RSPH4A: variants seen among roughly 807,000 people sequenced by gnomAD.
RSPH4A encodes radial spoke head component 4A.
In RSPH4A, 47 loss-of-function variants were observed where a neutral mutation model predicts 71.0. That is an observed-to-expected ratio of 0.66 (90% CI 0.52 to 0.84). RSPH4A has a LOEUF of 0.84. Ranked by LOEUF, RSPH4A falls within the 40% of genes least tolerant of loss-of-function variation. RSPH4A has a pLI of 0.00. For synonymous variants in RSPH4A, 282 were observed against 302.3 expected (o/e 0.93, Z 0.70); for missense variants, 793 against 855.2 (o/e 0.93, Z 0.91).
In RSPH4A at chr6:116,628,216, T is replaced by C. The variant is rs746983034; in HGVS notation, c.1509T>C (p.Tyr503=). 1.9e-6 allele frequency: 3 copies of C among 1,613,854 alleles called. No homozygotes were observed. In the South Asian group the frequency reaches 3.3e-5, roughly 18 times the overall value. ...AGTHVSPLGF[Y]QFGEEEGEEE... ...CCCACGTCAGTCCTCTAGGATTTTA[T>C]CAGTTTGGTGAAGAGGAAGGAGAGG... The change falls in exon 3 of 6, where the codon TAT becomes TAC. Residue 503 remains tyrosine, a synonymous_variant. Transcript: ENST00000229554.
intron 5 of RSPH4A, among the ~76,000 whole-genome samples, chr6:116,630,847 A>G (rs784135): frequency 3.4e-5 from 3 of 87,602 alleles, no homozygotes; most frequent in East Asian, 3.5e-4. Context: ...TAATTTTTGT[A>G]TTTTTTTTTT....
In RSPH4A at chr6:116,616,757, C is replaced by A. The variant is rs372113802; in HGVS notation, c.134C>A (p.Ala45Glu). Residue 45 changes from alanine (A) to glutamate (E), a missense_variant, in exon 1 of 6, where the codon GCG becomes GAG. Ala to Glu is a moderately radical substitution (Grantham distance 107). Coordinates refer to ENST00000229554, the MANE Select transcript of RSPH4A (RefSeq NM_001010892.3). ...SEPESSEPLE[A>E]KQGPETGRQS... Reference sequence around the variant, plus strand: ...CCTGAGTCGTCTGAGCCCTTGGAGGCGAAGCAGGGGCCAGAAACTGGACGC... The same window carrying A: ...CCTGAGTCGTCTGAGCCCTTGGAGGAGAAGCAGGGGCCAGAAACTGGACGC... The A allele has an allele frequency of 1.2e-6, 2 of 1,614,168 alleles. No individual in the cohort carries two copies. The highest frequency in any genetic ancestry group is 1.7e-6 in the Non-Finnish European group (2 of 1,180,032).
chr6:116,630,480 T>C lies in RSPH4A; in HGVS notation c.1844T>C (p.Leu615Pro). The C allele has an allele frequency of 6.2e-7, 1 of 1,611,952 alleles. No individual in the cohort carries two copies. The highest frequency in any genetic ancestry group is 8.5e-7 in the Non-Finnish European group (1 of 1,178,148). ...TGGACAACACGGTTATCCTCAAATC[T>C]CATTCCACAATATGCTATTGCAGTC... The part of the protein sequence containing the change: ...PPWTTRLSSN[L>P]IPQYAIAVLQ... Residue 615 changes from leucine to proline, a missense_variant, in exon 5 of 6, where the codon CTC becomes CCC. Coordinates refer to ENST00000229554, the MANE Select transcript of RSPH4A (RefSeq NM_001010892.3).
chr6:116,632,490 C>T lies in RSPH4A; in HGVS notation c.*49C>T. ...TATGTGACACTGATACACACACACC[C>T]CTTATATGGGACTAATTTTACACTT... On this transcript the variant is annotated 3_prime_UTR_variant, in exon 6 of 6. Coordinates refer to ENST00000229554, the MANE Select transcript of RSPH4A (RefSeq NM_001010892.3). 3.8e-6 allele frequency: 6 copies of T among 1,567,848 alleles called. No homozygotes were observed. The highest frequency in any genetic ancestry group is 4.3e-6 in the Non-Finnish European group (5 of 1,155,758).
intron 3 of RSPH4A, 34 bp downstream of exon 3, chr6:116,628,403 A>G: frequency 6.6e-7 from 1 of 1,509,074 alleles, no homozygotes; most frequent in East Asian, 2.3e-5. Context: ...CTATCAGGTA[A>G]TTAGGCAAAT....
chr6:116,623,175 T>C (rs1775640526), intron 2 of RSPH4A, among the ~76,000 whole-genome samples, 173 bp downstream of exon 2: 1 of 152,144 alleles, frequency 6.6e-6, no homozygotes, highest in South Asian at 2.1e-4. Flanking sequence ...CTTGGCTCAC[T>C]GCAGCCTCTG....
At chr6:116,625,577 CAG>C (rs1775680924) in intron 2 of RSPH4A, among the ~76,000 whole-genome samples, 2 of 98,568 alleles carry the variant, frequency 2.0e-5, no homozygotes, top group East Asian at 2.5e-4. Flanking sequence ...AGAATGGGGC[CAG>C]AGGAGAACGT....
chr6:116,620,934 C>T (rs1483867712), intron 1 of RSPH4A, among the ~76,000 whole-genome samples: 2 of 152,160 alleles, frequency 1.3e-5, no homozygotes, highest in East Asian at 3.9e-4. Context: ...TCTTGGCTTA[C>T]TGCAACCTCC....
Position 116,630,453 on chromosome 6 carries a change from C to T in RSPH4A, c.1817C>T (p.Pro606Leu), listed in dbSNP as rs138413282. ...GTTCCAGAGATTCAGAATATACCCC[C>T]CTGGACAACACGGTTATCCTCAAAT... ...SEDLEIQNIP[P>L]WTTRLSSNLI... Residue 606 changes from proline (P) to leucine (L), a missense_variant, in exon 5 of 6, where the codon CCC (proline) becomes CTC (leucine). By Grantham distance (98) the Pro-to-Leu change is moderately conservative. Transcript: ENST00000229554. The T allele has an allele frequency of 2.8e-5, 44 of 1,594,908 alleles. No individual in the cohort carries two copies. The highest frequency in any genetic ancestry group is 3.4e-5 in the Non-Finnish European group (40 of 1,162,854).
At chr6:116,629,011 T>G (rs182628884) in intron 3 of RSPH4A, among the ~76,000 whole-genome samples, 2 of 152,240 alleles carry the variant, frequency 1.3e-5, no homozygotes, top group Admixed American at 6.5e-5. Context: ...AGGAACAGAA[T>G]CAGATGTGAG....
intron 1 of RSPH4A, among the ~76,000 whole-genome samples, chr6:116,620,425 A>G (rs537890670): frequency 6.6e-6 from 1 of 152,318 alleles, no homozygotes; most frequent in South Asian, 2.1e-4. Context: ...TCTTATATGC[A>G]GATCTAATTT....
chr6:116,628,435 A>G, intron 3 of RSPH4A, 66 bp downstream of exon 3: 2 of 1,264,148 alleles, frequency 1.6e-6, no homozygotes, highest in Non-Finnish European at 2.3e-6. Flanking sequence ...GGTCACTATA[A>G]TGCACAAAGA....
intron 1 of RSPH4A, among the ~76,000 whole-genome samples, chr6:116,617,687 G>A (rs1340828492): frequency 6.6e-6 from 1 of 152,028 alleles, no homozygotes; most frequent in Non-Finnish European, 1.5e-5. Context: ...AAGCAATCAC[G>A]TCTCTCATCT....
chr6:116,627,552 C>T (rs138549419), intron 2 of RSPH4A, 77 bp from the exon 3 acceptor site: 15 of 1,110,826 alleles, frequency 1.4e-5, no homozygotes, highest in African/African-American at 7.7e-5. Flanking sequence ...AGTAGAATAT[C>T]GAGATACATG....
chr6:116,629,138 A>G (rs1562392190), intron 3 of RSPH4A, among the ~76,000 whole-genome samples: 1 of 152,206 alleles, frequency 6.6e-6, no homozygotes, highest in Non-Finnish European at 1.5e-5. Flanking sequence ...AGCTTTCTCT[A>G]CATAAGAGCT....
chr6:116,621,681 A>G (rs1377949389), intron 1 of RSPH4A, among the ~76,000 whole-genome samples: 1 of 152,184 alleles, frequency 6.6e-6, no homozygotes, highest in African/African-American at 2.4e-5. Context: ...TTTGAGAGAA[A>G]TTATATATAT....
intron 2 of RSPH4A, among the ~76,000 whole-genome samples, chr6:116,627,016 A>T (rs1264017803): frequency 6.6e-6 from 1 of 152,144 alleles, no homozygotes; most frequent in Non-Finnish European, 1.5e-5. Flanking sequence ...GGAGTCACTT[A>T]TTTTTTATAA....
At chr6:116,631,087 G>T (rs1376547378) in intron 5 of RSPH4A, among the ~76,000 whole-genome samples, 1 of 151,884 alleles carries the variant, frequency 6.6e-6, no homozygotes, top group Non-Finnish European at 1.5e-5. Flanking sequence ...ATCAAATTCA[G>T]GACATTAAGT....
Position 116,616,950 on chromosome 6 carries a change from G to A in RSPH4A, c.327G>A (p.Gln109=). 1.2e-6 allele frequency: 2 copies of A among 1,614,194 alleles called. No individual in the cohort carries two copies. The highest frequency in any genetic ancestry group is 1.3e-5 in the African/African-American group (1 of 75,032). The stretch of plus-strand genomic sequence containing the variant: ...GACAAGACCTCGCGGCACCACCTCA[G>A]TCGGACAGGACCACGAGTGTGATTC... ...PARQDLAAPP[Q]SDRTTSVIPE... The change falls in exon 1 of 6, where the codon CAG becomes CAA. Residue 109 remains glutamine (Q), a synonymous_variant. Coordinates refer to ENST00000229554, the MANE Select transcript of RSPH4A (RefSeq NM_001010892.3).
Sources: allele counts gnomAD v4.1 joint callset (sites outside exome capture counted in the v4.1 genomes callset), GRCh38; gene constraint gnomAD v4.1.1; transcripts MANE v1.5; gene names NCBI Gene and HGNC (gene_info 2026-07-23, HGNC 2026-07-21).